RARS1: variants seen among roughly 807,000 people sequenced by gnomAD.
RARS1 encodes the protein arginine--tRNA ligase, cytoplasmic.
Under a neutral mutation model 78.7 loss-of-function variants are expected in RARS1, and 75 were observed. The observed-to-expected ratio is 0.95, with a 90% CI of 0.79 to 1.15. The LOEUF is 1.15. Among genes scored for constraint, RARS1 ranks in the 50% most tolerant of loss-of-function variants. The pLI is 0.00. For missense variants in RARS1, 787 were observed against 787.5 expected (o/e 1.00, Z 0.01); for synonymous variants, 273 against 268.2 (o/e 1.02, Z -0.18).
chr5:168,494,610 T>G lies in RARS1; in HGVS notation c.539T>G (p.Val180Gly). The G allele has an allele frequency of 6.2e-7, 1 of 1,609,804 alleles. No homozygotes were observed. Among genetic ancestry groups the G allele is most frequent in the Non-Finnish European group, 8.5e-7 (1 of 1,176,094 alleles). Reference sequence around the variant, plus strand: ...TCAGAACAATTGACCAGTCTTCTAGTGAATGGAGTTCAACTACCTGCTCTG... The same window carrying G: ...TCAGAACAATTGACCAGTCTTCTAGGGAATGGAGTTCAACTACCTGCTCTG... ...FVSEQLTSLLVNGVQLPALGE... is the reference protein window; with the variant it reads ...FVSEQLTSLLGNGVQLPALGE... The change falls in exon 5 of 15, where the codon GTG (valine) becomes GGG (glycine). Residue 180 changes from valine (V) to glycine (G), a missense_variant. Transcript: ENST00000231572.
intron 12 of RARS1, among the ~76,000 whole-genome samples, chr5:168,511,645 A>T (rs1424732768): frequency 6.6e-6 from 1 of 152,212 alleles, no homozygotes; most frequent in Non-Finnish European, 1.5e-5. Context: ...TAACCACTCC[A>T]GCTAGTAATT....
rs2290629 is a variant in RARS1 at position 168,510,602 on chromosome 5, G to T, written c.1368G>T (p.Ser456=). 1 of 1,608,278 alleles carries T rather than the reference G, an allele frequency of 6.2e-7. No individual in the cohort carries two copies. The highest frequency in any genetic ancestry group is 1.3e-5 in the African/African-American group (1 of 74,588). ...GEDKKKFKTR[S]GETVRLMDLL... ...TTAGGAAAAAGTTTAAAACACGTTCGGGTGAAACAGTGCGCCTCATGGATC... is the reference window on the plus strand; with the variant it reads ...TTAGGAAAAAGTTTAAAACACGTTCTGGTGAAACAGTGCGCCTCATGGATC... The change falls in exon 12 of 15, where the codon TCG becomes TCT. Residue 456 remains serine, a synonymous_variant. Coordinates refer to ENST00000231572, the MANE Select transcript of RARS1 (RefSeq NM_002887.4).
chr5:168,515,133 C>A (rs1320549041), intron 12 of RARS1, among the ~76,000 whole-genome samples: 1 of 152,068 alleles, frequency 6.6e-6, no homozygotes, highest in Non-Finnish European at 1.5e-5. Flanking sequence ...TCAGTTTTCT[C>A]CCCTGTAAAG....
At chr5:168,503,427 GAAT>G in intron 9 of RARS1, among the ~76,000 whole-genome samples, 1 of 152,198 alleles carries the variant, frequency 6.6e-6, no homozygotes, top group African/African-American at 2.4e-5. Flanking sequence ...ATCAATTGCA[GAAT>G]AATAGGTTTG....
At chr5:168,515,582 C>T (rs893098432) in intron 12 of RARS1, among the ~76,000 whole-genome samples, 1 of 152,230 alleles carries the variant, frequency 6.6e-6, no homozygotes, top group East Asian at 1.9e-4. Flanking sequence ...ATGTTTTCTT[C>T]TAGCCCACAG....
chr5:168,487,133 T>C (rs1267589341), intron 1 of RARS1, among the ~76,000 whole-genome samples: 1 of 151,890 alleles, frequency 6.6e-6, no homozygotes, highest in Admixed American at 6.6e-5. Flanking sequence ...GAGGCCGAGG[T>C]GGGCGGATCA....
intron 11 of RARS1, 103 bp from the exon 12 acceptor site, chr5:168,510,478 T>C (rs1758542221): frequency 5.0e-6 from 4 of 793,368 alleles, no homozygotes; most frequent in South Asian, 4.8e-5. Flanking sequence ...ATTTAAAACA[T>C]ATGTTGCAGT....
In RARS1 at chr5:168,487,552, C is replaced by T. The variant is rs965518682; in HGVS notation, c.45+1009C>T. Among the ~76,000 whole-genome samples, 12 of 152,130 alleles carry T rather than the reference C, an allele frequency of 7.9e-5. No individual in the cohort carries two copies. In the South Asian group the frequency reaches 1.4e-3, roughly 18 times the overall value. ...TTACATTTCTGAGCCATTTATTTAT[C>T]GGTATGTATTTATCTTTGCCTCACT... On this transcript the variant is annotated intron_variant, in intron 1 of 14. Coordinates refer to ENST00000231572, the MANE Select transcript of RARS1 (RefSeq NM_002887.4).
At chr5:168,498,857 C>T (rs564357970) in intron 7 of RARS1, among the ~76,000 whole-genome samples, 3 of 151,946 alleles carry the variant, frequency 2.0e-5, no homozygotes, top group Non-Finnish European at 4.4e-5. Context: ...GTCTCAGCTA[C>T]TTGGGAGGCT....
intron 12 of RARS1, among the ~76,000 whole-genome samples, chr5:168,513,293 C>T (rs1037758044): frequency 6.7e-6 from 1 of 149,646 alleles, no homozygotes; most frequent in Non-Finnish European, 1.5e-5. Flanking sequence ...CTCGTGACCT[C>T]GTGATCTGCC....
At chr5:168,508,408 G>A (rs1215669560) in intron 11 of RARS1, among the ~76,000 whole-genome samples, 1 of 151,392 alleles carries the variant, frequency 6.6e-6, no homozygotes. Flanking sequence ...GGATCACGAG[G>A]TGAGGATTTG....
intron 4 of RARS1, 130 bp from the exon 5 acceptor site, chr5:168,494,420 A>G (rs527841494): frequency 2.0e-6 from 3 of 1,480,926 alleles, no homozygotes; most frequent in Admixed American, 4.9e-5. Flanking sequence ...GCTTAAGTCA[A>G]GGCCACAACT....
rs757507711 is a variant in RARS1, at chr5:168,493,933, A to G, written c.409A>G (p.Ile137Val). 1 of 1,613,648 alleles carries G rather than the reference A, an allele frequency of 6.2e-7. No homozygotes were observed. Among genetic ancestry groups the G allele is most frequent in the Admixed American group, 1.7e-5 (1 of 60,006 alleles). Residue 137 changes from isoleucine to valine, a missense_variant, in exon 4 of 15, where the codon ATT becomes GTT. By Grantham distance (29) the Ile-to-Val change is conservative. Transcript: ENST00000231572. ...GGAACAGAAAGTTAATCCAAGAGAAATTGCTGAAAACATTACCAAACACCT... is the reference window on the plus strand; with the variant it reads ...GGAACAGAAAGTTAATCCAAGAGAAGTTGCTGAAAACATTACCAAACACCT... Reference protein sequence around the residue: ...TKEQKVNPREIAENITKHLPD... With the variant: ...TKEQKVNPREVAENITKHLPD...
chr5:168,491,931 A>G (rs371653935), intron 2 of RARS1, among the ~76,000 whole-genome samples: 1 of 149,364 alleles, frequency 6.7e-6, no homozygotes. Context: ...TATTAAAAGC[A>G]TATGTGTCAT....
chr5:168,513,219 G>GTTT (rs1279957065), intron 12 of RARS1, among the ~76,000 whole-genome samples: 2 of 122,276 alleles, frequency 1.6e-5, no homozygotes, highest in Non-Finnish European at 3.5e-5. Context: ...CTAATTTTTT[G>GTTT]TATTTTTTTT....
At position 168,500,731 on chromosome 5, in the gene RARS1, G is replaced by A. The variant is rs1458487010; in HGVS notation, c.952+11G>A. 1 of 1,607,060 alleles carries A rather than the reference G, an allele frequency of 6.2e-7. No individual in the cohort carries two copies. Among genetic ancestry groups the A allele is most frequent in the East Asian group, 2.2e-5 (1 of 44,584 alleles). On this transcript the variant is annotated intron_variant, in intron 8 of 14. Coordinates refer to ENST00000231572, the MANE Select transcript of RARS1 (RefSeq NM_002887.4). Reference sequence around the variant, plus strand: ...ATGTCTCCCGCCAAGGTGAGTTTCTGGGCTTTGTTCCTTCGTCCAGCAAAT... The same window carrying A: ...ATGTCTCCCGCCAAGGTGAGTTTCTAGGCTTTGTTCCTTCGTCCAGCAAAT...
intron 12 of RARS1, among the ~76,000 whole-genome samples, chr5:168,512,679 G>A (rs1286708601): frequency 2.0e-5 from 3 of 152,166 alleles, no homozygotes; most frequent in Admixed American, 6.5e-5. Context: ...CATCCAGCAC[G>A]GGAGAAAGAT....
chr5:168,511,517 A>G (rs981218728), intron 12 of RARS1, among the ~76,000 whole-genome samples: 1 of 152,140 alleles, frequency 6.6e-6, no homozygotes, highest in Admixed American at 6.5e-5. Context: ...ATCTGCCCCC[A>G]TGATCCAGCT....
chr5:168,497,709 T>C (rs1446397239), intron 7 of RARS1, among the ~76,000 whole-genome samples: 3 of 152,122 alleles, frequency 2.0e-5, no homozygotes, highest in Admixed American at 2.0e-4. Context: ...GCAAGCCCTT[T>C]CGTTTAGTTT....
Sources: allele counts gnomAD v4.1 joint callset (sites outside exome capture counted in the v4.1 genomes callset), GRCh38; gene constraint gnomAD v4.1.1; transcripts MANE v1.5; gene names NCBI Gene and HGNC (gene_info 2026-07-23, HGNC 2026-07-21).